LRFN2: variants seen among roughly 807,000 people sequenced by gnomAD.
LRFN2 encodes the protein leucine rich repeat and fibronectin type III domain containing 2.
A neutral mutation model predicts 37.3 loss-of-function variants in LRFN2; 18 were observed. The observed-to-expected ratio is 0.48, with a 90% confidence interval of 0.33 to 0.72. The LOEUF (loss-of-function observed/expected upper bound fraction) is 0.72. LRFN2 is among the 30% of genes least tolerant of loss of function. The probability of loss-of-function intolerance (pLI) is 0.02; values close to 1 mark genes in which losing one functional copy is unlikely to be tolerated. For missense variants in LRFN2, 1,006 were observed against 1,060.7 expected (o/e 0.95, Z 0.72); for synonymous variants, 556 against 466.6 (o/e 1.19, Z -2.47).
chr6:40,414,944 G>A (rs964079915), intron 2 of LRFN2, among the ~76,000 whole-genome samples: 1 of 152,190 alleles, frequency 6.6e-6, no homozygotes. Flanking sequence ...ACTAGGGAGA[G>A]CTGAGGCTGC....
rs767527691 is a variant in LRFN2, at chr6:40,432,756, G to A, written c.358C>T (p.Leu120Phe). 3 of 1,614,232 alleles carry A rather than the reference G, an allele frequency of 1.9e-6. No homozygotes were observed. The highest frequency in any genetic ancestry group is 2.2e-5 in the East Asian group (1 of 44,888). ...NRLPSLGEDTLRGLVNLQHLI... is the reference protein window; with the variant it reads ...NRLPSLGEDTFRGLVNLQHLI... ...TGCTGCAGGTTGACCAGGCCCCGGA[G>A]GGTGTCCTCCCCAAGGCTTGGCAGC... is the stretch of plus-strand genomic sequence containing the variant. The change falls in exon 2 of 3, where the codon CTC becomes TTC. Residue 120 changes from leucine to phenylalanine, a missense_variant. By Grantham distance (22) the Leu-to-Phe change is conservative. Around this residue, in one of 4 missense-constraint regions of LRFN2, gnomAD observed 185 missense variants for 254.9 expected, o/e 0.73. Transcript: ENST00000338305.
chr6:40,537,564 G>A (rs1341524306), intron 1 of LRFN2, among the ~76,000 whole-genome samples: 3 of 152,126 alleles, frequency 2.0e-5, no homozygotes, highest in East Asian at 1.9e-4. Flanking sequence ...TCCAGGAAGC[G>A]TCCCTGACCA....
At chr6:40,563,663 G>A (rs1444078772) in intron 1 of LRFN2, among the ~76,000 whole-genome samples, 3 of 152,140 alleles carry the variant, frequency 2.0e-5, no homozygotes, top group African/African-American at 4.8e-5. Context: ...TGAGTCCTGG[G>A]GGCTATGTCA....
At chr6:40,477,695 T>C (rs1021216138) in intron 1 of LRFN2, among the ~76,000 whole-genome samples, 1 of 152,108 alleles carries the variant, frequency 6.6e-6, no homozygotes, top group Admixed American at 6.5e-5. Context: ...GCAGCCAGCT[T>C]TGGGCACATC....
chr6:40,495,114 G>A (rs1303684744), intron 1 of LRFN2, among the ~76,000 whole-genome samples: 1 of 152,150 alleles, frequency 6.6e-6, no homozygotes, highest in African/African-American at 2.4e-5. Flanking sequence ...TCCAGGTAGT[G>A]TTCCTATACT....
intron 2 of LRFN2, among the ~76,000 whole-genome samples, chr6:40,422,088 TC>T (rs1289163680): frequency 1.3e-5 from 2 of 152,174 alleles, no homozygotes; most frequent in Admixed American, 1.3e-4. Context: ...AAAAAATGGC[TC>T]CAGTGAGCTG....
At chr6:40,556,948 A>G (rs1465711526) in intron 1 of LRFN2, among the ~76,000 whole-genome samples, 1 of 152,186 alleles carries the variant, frequency 6.6e-6, no homozygotes, top group East Asian at 1.9e-4. Context: ...ATCACTTCAG[A>G]CAGTGAGCTC....
chr6:40,550,648 T>G (rs1261023239), intron 1 of LRFN2, among the ~76,000 whole-genome samples: 2 of 151,580 alleles, frequency 1.3e-5, no homozygotes, highest in Non-Finnish European at 3.0e-5. Flanking sequence ...CCAATTTTAC[T>G]ATTTTCCAAA....
intron 2 of LRFN2, among the ~76,000 whole-genome samples, chr6:40,413,971 G>A (rs910967517): frequency 6.6e-6 from 1 of 152,132 alleles, no homozygotes; most frequent in Non-Finnish European, 1.5e-5. Flanking sequence ...TGAAGGAAAT[G>A]GGCTCACTGG....
chr6:40,482,096 C>A (rs1764843904), intron 1 of LRFN2, among the ~76,000 whole-genome samples: 2 of 152,178 alleles, frequency 1.3e-5, no homozygotes, highest in Admixed American at 1.3e-4. Flanking sequence ...GACATGGGGG[C>A]TGGCCCTTGT....
intron 2 of LRFN2, among the ~76,000 whole-genome samples, 170 bp from the exon 3 acceptor site, chr6:40,393,082 C>G (rs7774535): frequency 0.31 from 44,787 of 143,230 alleles, 7,194 homozygotes; most frequent in South Asian, 0.5. Flanking sequence ...AAGAAAGGGA[C>G]AGAGGAGTGA....
chr6:40,533,228 C>G (rs777048160), intron 1 of LRFN2, among the ~76,000 whole-genome samples: 2 of 151,978 alleles, frequency 1.3e-5, no homozygotes, highest in Non-Finnish European at 2.9e-5. Context: ...TTAGTCTTTT[C>G]TTTTTCTTTC....
intron 1 of LRFN2, among the ~76,000 whole-genome samples, chr6:40,483,546 T>G (rs1764882584): frequency 6.6e-6 from 1 of 152,252 alleles, no homozygotes; most frequent in Non-Finnish European, 1.5e-5. Context: ...TATTGAGCAC[T>G]TATTGTGTGC....
At chr6:40,461,577 C>A (rs567435045) in intron 1 of LRFN2, among the ~76,000 whole-genome samples, 4 of 146,730 alleles carry the variant, frequency 2.7e-5, no homozygotes, top group African/African-American at 9.8e-5. Flanking sequence ...CAGCCACCCC[C>A]CTCCCCCCGA....
At chr6:40,498,904 G>C (rs1196977090) in intron 1 of LRFN2, among the ~76,000 whole-genome samples, 1 of 152,180 alleles carries the variant, frequency 6.6e-6, no homozygotes, top group African/African-American at 2.4e-5. Context: ...ATTCCAGGAA[G>C]CATGCTTGGG....
At chr6:40,563,373 A>C (rs1767035091) in intron 1 of LRFN2, among the ~76,000 whole-genome samples, 1 of 152,074 alleles carries the variant, frequency 6.6e-6, no homozygotes, top group Non-Finnish European at 1.5e-5. Context: ...CAGGGTCCTG[A>C]GGCTTGCTGA....
chr6:40,538,361 A>T (rs1220034453), intron 1 of LRFN2, among the ~76,000 whole-genome samples: 1 of 151,734 alleles, frequency 6.6e-6, no homozygotes, highest in Non-Finnish European at 1.5e-5. Flanking sequence ...GCCACCCACT[A>T]CCTTCCCTCT....
chr6:40,421,257 G>C (rs1224256786), intron 2 of LRFN2, among the ~76,000 whole-genome samples: 1 of 152,192 alleles, frequency 6.6e-6, no homozygotes, highest in African/African-American at 2.4e-5. Context: ...AAAAGTATCT[G>C]ATAGGTCTCA....
intron 1 of LRFN2, among the ~76,000 whole-genome samples, chr6:40,472,343 C>T (rs1174601972): frequency 4.6e-5 from 7 of 152,210 alleles, no homozygotes; most frequent in Admixed American, 4.6e-4. Context: ...TTTATTCTCG[C>T]AACACTTTTC....
Sources: allele counts gnomAD v4.1 joint callset (sites outside exome capture counted in the v4.1 genomes callset), GRCh38; gene constraint gnomAD v4.1.1; regional missense constraint gnomAD v4.1.1; transcripts MANE v1.5; gene names NCBI Gene and HGNC (gene_info 2026-07-23, HGNC 2026-07-21).